The following WWC2 variants were observed in gnomAD, a reference collection of about 807,000 sequenced individuals.
WWC2 encodes the protein WW and C2 domain containing 2.
Under a neutral mutation model 138.5 loss-of-function variants are expected in WWC2, and 101 were observed. That is an observed-to-expected ratio of 0.73 (90% confidence interval 0.62 to 0.86). The LOEUF is 0.86. Among genes scored for constraint, WWC2 ranks in the 40% least tolerant of loss-of-function variants. The pLI is 0.00. For synonymous variants in WWC2, 558 were observed against 538.4 expected (o/e 1.04, Z -0.50); for missense variants, 1,420 against 1,419.4 (o/e 1.00, Z -0.01).
chr4:183,124,244 A>T (rs1269181648), intron 1 of WWC2, among the ~76,000 whole-genome samples: 1 of 152,166 alleles, frequency 6.6e-6, no homozygotes, highest in African/African-American at 2.4e-5. Context: ...CCTGGAAAGA[A>T]ATCTTCAGTG....
intron 15 of WWC2, 28 bp from the exon 16 acceptor site, chr4:183,271,052 T>A (rs752359210): frequency 6.8e-7 from 1 of 1,461,146 alleles, no homozygotes; most frequent in Non-Finnish European, 9.1e-7. Flanking sequence ...CCTTATTTTT[T>A]TTTCTTTGTT....
At chr4:183,179,449 T>G (rs1279828240) in intron 1 of WWC2, among the ~76,000 whole-genome samples, 3 of 152,110 alleles carry the variant, frequency 2.0e-5, no homozygotes, top group Non-Finnish European at 4.4e-5. Context: ...ATGTAACAAC[T>G]AGTTAGGAAG....
chr4:183,249,498 A>G (rs970385703), intron 7 of WWC2, among the ~76,000 whole-genome samples: 2 of 152,204 alleles, frequency 1.3e-5, no homozygotes, highest in Non-Finnish European at 2.9e-5. Flanking sequence ...TTGAAAATTA[A>G]TTTTTGAACT....
In WWC2 at chr4:183,319,228, A is replaced by G. The variant is rs1411774760; in HGVS notation, c.*3499A>G. On this transcript the variant is annotated 3_prime_UTR_variant, in exon 23 of 23. Transcript: ENST00000403733. ...CCTGAAATAAGTAAATGATTTGCCA[A>G]ATGATTCCGCTCCATATGAATAATA... The G allele has an allele frequency of 9.9e-6, 2 of 202,600 alleles. No homozygotes were observed. Among genetic ancestry groups the G allele is most frequent in the African/African-American group, 4.7e-5 (2 of 42,912 alleles). 12.6% of individuals were successfully genotyped at this position (202,600 alleles called of 1,614,324 possible).
chr4:183,266,045 A>G (rs1404381356), intron 14 of WWC2, 94 bp downstream of exon 14: 2 of 1,241,396 alleles, frequency 1.6e-6, no homozygotes, highest in South Asian at 1.4e-5. Context: ...CAAAATGAAG[A>G]TACGGAAAAG....
At chr4:183,128,032 A>AC (rs1353405447) in intron 1 of WWC2, among the ~76,000 whole-genome samples, 2 of 148,270 alleles carry the variant, frequency 1.3e-5, no homozygotes, top group South Asian at 2.2e-4. Flanking sequence ...ACATAGTGAG[A>AC]CCCCATCTCT....
chr4:183,111,559 G>T (rs1732233130), intron 1 of WWC2, among the ~76,000 whole-genome samples: 1 of 152,032 alleles, frequency 6.6e-6, no homozygotes, highest in African/African-American at 2.4e-5. Context: ...GTATCACTGG[G>T]TTATCAGCTT....
At chr4:183,145,934 T>A (rs1454453669) in intron 1 of WWC2, among the ~76,000 whole-genome samples, 2 of 152,234 alleles carry the variant, frequency 1.3e-5, no homozygotes, top group Non-Finnish European at 2.9e-5. Context: ...CTGTCAGAGA[T>A]ACTACAATTC....
intron 1 of WWC2, among the ~76,000 whole-genome samples, chr4:183,131,770 A>G (rs1290051273): frequency 6.6e-6 from 1 of 152,230 alleles, no homozygotes; most frequent in Non-Finnish European, 1.5e-5. Flanking sequence ...AATATGTTAT[A>G]CTACATGAAC....
rs1380994911 is a variant in WWC2, at chr4:183,316,940, C to T, written c.*1211C>T. The T allele has an allele frequency of 6.6e-6, 1 of 151,984 alleles. No homozygotes were observed. The highest frequency in any genetic ancestry group is 1.5e-5 in the Non-Finnish European group (1 of 68,004). The allele number at this position is 151,984 out of a possible 1,614,324, so 9.4% of individuals were successfully genotyped here. ...AGAGAGATAAACTGACTAATGTGTCCTCCAGTTTAGAATTTCACCTTACCC... is the reference window on the plus strand; with the variant it reads ...AGAGAGATAAACTGACTAATGTGTCTTCCAGTTTAGAATTTCACCTTACCC... On this transcript the variant is annotated 3_prime_UTR_variant, in exon 23 of 23. Coordinates refer to ENST00000403733, the MANE Select transcript of WWC2 (RefSeq NM_024949.6).
At position 183,239,918 on chromosome 4, in the gene WWC2, CAAT is replaced by C. The variant is rs1227258135; in HGVS notation, c.523-264_523-262del. On this transcript the variant is annotated intron_variant, in intron 4 of 22. Transcript: ENST00000403733. ...TTATTCTGCCCATTTTGGTTGGAGA[CAAT>C]GATGATGTCCAGCTCATAAGAATGT... 3.9e-5 allele frequency among the ~76,000 whole-genome samples: 6 copies of C among 152,148 alleles called. No homozygotes were observed. In the South Asian group the frequency reaches 6.2e-4, roughly 16 times the overall value.
intron 3 of WWC2, 116 bp from the exon 4 acceptor site, chr4:183,208,833 A>G (rs1735514289): frequency 1.5e-6 from 1 of 659,892 alleles, no homozygotes; most frequent in Non-Finnish European, 2.6e-6. Context: ...TAAAGGAATT[A>G]GAAAGCAAGT....
At chr4:183,283,166 A>C (rs545094569) in intron 18 of WWC2, among the ~76,000 whole-genome samples, 8 of 152,356 alleles carry the variant, frequency 5.3e-5, no homozygotes, top group African/African-American at 1.9e-4. Flanking sequence ...TAAATCTATA[A>C]ATATTCTGTG....
At chr4:183,311,766 AC>A (rs900381387) in intron 21 of WWC2, among the ~76,000 whole-genome samples, 3 of 151,640 alleles carry the variant, frequency 2.0e-5, no homozygotes, top group African/African-American at 7.3e-5. Context: ...TTTAGTAGAG[AC>A]GGGGTTTCAC....
intron 1 of WWC2, among the ~76,000 whole-genome samples, chr4:183,114,288 G>A (rs1732343362): frequency 6.6e-6 from 1 of 152,164 alleles, no homozygotes; most frequent in Non-Finnish European, 1.5e-5. Flanking sequence ...CCCAGGAGCT[G>A]AGCAGGTGAC....
intron 4 of WWC2, among the ~76,000 whole-genome samples, chr4:183,215,714 G>C (rs933777518): frequency 2.6e-5 from 4 of 152,200 alleles, no homozygotes; most frequent in South Asian, 4.2e-4. Flanking sequence ...GGCTAAATAT[G>C]TATTTTAAAA....
chr4:183,181,002 C>G (rs1463394708), intron 1 of WWC2, among the ~76,000 whole-genome samples: 1 of 152,098 alleles, frequency 6.6e-6, no homozygotes, highest in Non-Finnish European at 1.5e-5. Flanking sequence ...TAAAATTTAT[C>G]AAAACTTATG....
intron 22 of WWC2, 37 bp downstream of exon 22, chr4:183,312,505 C>T: frequency 1.2e-6 from 2 of 1,610,556 alleles, no homozygotes; most frequent in Non-Finnish European, 1.7e-6. Flanking sequence ...TTGGGTTGCC[C>T]TCACGGGGTC....
intron 1 of WWC2, among the ~76,000 whole-genome samples, chr4:183,167,696 T>C (rs999232976): frequency 6.6e-6 from 1 of 152,132 alleles, no homozygotes; most frequent in Admixed American, 6.5e-5. Context: ...TGGAACACTT[T>C]GGTGCACTTA....
Sources: gnomAD v4.1 joint callset for allele counts (sites outside exome capture counted in the v4.1 genomes callset) on GRCh38, gnomAD v4.1.1 for gene constraint, MANE v1.5 for transcripts, NCBI Gene and HGNC (gene_info 2026-07-23, HGNC 2026-07-21) for gene names.